Variants in GBX1 observed in about 807,000 individuals in gnomAD.
The protein encoded by GBX1 is gastrulation brain homeobox 1.
A neutral mutation model predicts 22.9 loss-of-function variants in GBX1; 9 were observed. The ratio of observed to expected loss-of-function variants is 0.39; its 90% CI spans 0.24 to 0.69. The LOEUF (loss-of-function observed/expected upper bound fraction) is 0.69. GBX1 is among the 30% of genes least tolerant of loss of function. GBX1 has a pLI of 0.43. For missense variants in GBX1, 494 were observed against 509.2 expected, an observed-to-expected ratio of 0.97 and a Z score of 0.29; for synonymous variants, 203 against 227.3, an observed-to-expected ratio of 0.89 and a Z score of 0.96.
chr7:151,158,867 A>G (rs1035320467), intron 1 of GBX1, among the ~76,000 whole-genome samples: 17 of 152,204 alleles, frequency 1.1e-4, no homozygotes, highest in Non-Finnish European at 2.2e-4. Context: ...GATGCTGCAC[A>G]AATATCTGTG....
chr7:151,167,474 G>A lies in GBX1; in HGVS notation c.75C>T (p.Phe25=). The A allele has an allele frequency of 2.0e-6, 3 of 1,506,176 alleles. No individual in the cohort carries two copies. Among genetic ancestry groups the A allele is most frequent in the Admixed American group, 2.1e-5 (1 of 46,996 alleles). 93.3% of individuals were successfully genotyped at this position (1,506,176 alleles called of 1,614,324 possible). A position where few individuals can be genotyped will look rare whatever the true frequency, so the allele number is the denominator to read the frequency against. Reference sequence around the variant, plus strand: ...GCGGCCCGATTAGGGAGTCGATGGAGAAGGCAGTGCCCGGGCCCCCGCCGC... The same window carrying A: ...GCGGCCCGATTAGGGAGTCGATGGAAAAGGCAGTGCCCGGGCCCCCGCCGC... ...GGGGGGPGTA[F]SIDSLIGPPP... is the part of the protein sequence containing the mutation. The change falls in exon 1 of 2, where the codon TTC becomes TTT. Residue 25 remains phenylalanine (F), a synonymous_variant. Coordinates refer to ENST00000297537, the MANE Select transcript of GBX1 (RefSeq NM_001098834.3). This position sits in a 1 kb window ranked among gnomAD's most constrained non-coding sequence, Gnocchi z 5.9.
At position 151,148,526 on chromosome 7, in the gene GBX1, C is replaced by A; in HGVS notation, c.*63G>T. 3 of 1,486,846 alleles carry A rather than the reference C, an allele frequency of 2.0e-6. No individual in the cohort carries two copies. In the South Asian group the frequency reaches 3.9e-5, roughly 19 times the overall value. 92.1% of individuals were successfully genotyped at this position (1,486,846 alleles called of 1,614,324 possible). A position where few individuals can be genotyped will look rare whatever the true frequency, so the allele number is the denominator to read the frequency against. ...TGCAGCCCCTCTGGTCCACAGAACC[C>A]TGACAGTCTCAGAGCAGGCTCAGGT... On this transcript the variant is annotated 3_prime_UTR_variant, in exon 2 of 2. Transcript: ENST00000297537. This position sits in a 1 kb window ranked among gnomAD's most constrained non-coding sequence, Gnocchi z 5.1.
At chr7:151,156,385 C>T (rs1435170896) in intron 1 of GBX1, among the ~76,000 whole-genome samples, 3 of 15,926 alleles carry the variant, frequency 1.9e-4, no homozygotes, top group Non-Finnish European at 2.6e-4. Flanking sequence ...GACCCTGTCT[C>T]AAAAAAAAAA....
chr7:151,166,308 C>A (rs1801248958), intron 1 of GBX1, among the ~76,000 whole-genome samples: 1 of 152,104 alleles, frequency 6.6e-6, no homozygotes, highest in African/African-American at 2.4e-5. Flanking sequence ...ATCTTTGGGC[C>A]ACACCCAACT....
At position 151,148,414 on chromosome 7, in the gene GBX1, C is replaced by A. The variant is rs1284672238; in HGVS notation, c.*175G>T. On this transcript the variant is annotated 3_prime_UTR_variant, in exon 2 of 2. Coordinates refer to ENST00000297537, the MANE Select transcript of GBX1 (RefSeq NM_001098834.3). This position sits in a 1 kb window ranked among gnomAD's most constrained non-coding sequence, Gnocchi z 5.1. ...GAACAGGCTCAGGGCCAAGTGCTCA[C>A]ATCTCAGGTTCTGGGAGGAGTCTGG... Among the ~76,000 whole-genome samples, 1 of 152,322 alleles carries A rather than the reference C, an allele frequency of 6.6e-6. No individual in the cohort carries two copies. Among genetic ancestry groups the A allele is most frequent in the South Asian group, 2.1e-4 (1 of 4,830 alleles).
Position 151,167,169 on chromosome 7 carries a change from GCGGCAGCGGCGGCGGCGA to G in GBX1, c.362_379del (p.Leu121_Ala127delinsPro). 1 of 1,582,022 alleles carries G rather than the reference GCGGCAGCGGCGGCGGCGA, an allele frequency of 6.3e-7. No homozygotes were observed. The highest frequency in any genetic ancestry group is 1.8e-5 in the Admixed American group (1 of 55,148). Reference sequence around the variant, plus strand: ...GTTTCGGGCGGCAGTGGCGGCGGCGGCGGCAGCGGCGGCGGCGAGCTCCTGGGGCCCGTAGAAAGCGTC... The same window carrying G: ...GTTTCGGGCGGCAGTGGCGGCGGCGGGCTCCTGGGGCCCGTAGAAAGCGTC... On this transcript the variant is annotated inframe_deletion, in exon 1 of 2. Coordinates refer to ENST00000297537, the MANE Select transcript of GBX1 (RefSeq NM_001098834.3). The surrounding 1 kb of genome is among the most constrained non-coding windows in gnomAD (Gnocchi z 5.9).
chr7:151,149,839 T>A (rs1004265078), intron 1 of GBX1: 23 of 445,202 alleles, frequency 5.2e-5, no homozygotes, highest in Middle Eastern at 6.8e-4. Context: ...GTGGCCAGAT[T>A]TTTTCTCCCA....
At chr7:151,165,187 T>A (rs913564123) in intron 1 of GBX1, among the ~76,000 whole-genome samples, 2 of 152,174 alleles carry the variant, frequency 1.3e-5, no homozygotes, top group South Asian at 2.1e-4. Flanking sequence ...TCTCTTCTGT[T>A]TTTTCTCTGC....
chr7:151,156,610 C>T (rs1046291620), intron 1 of GBX1, among the ~76,000 whole-genome samples: 3 of 151,998 alleles, frequency 2.0e-5, no homozygotes, highest in African/African-American at 7.3e-5. Flanking sequence ...AGACAAAATT[C>T]CCACCAAATC....
At position 151,167,353 on chromosome 7, in the gene GBX1, G is replaced by T. The variant is rs1252951041; in HGVS notation, c.196C>A (p.Leu66Met). The part of the protein sequence containing the change: ...VLPQALAPAP[L>M]PAGLPPLAPL... ...GCGAGGGGCGGGAGGCCAGCGGGCA[G>T]CGGCGCAGGGGCCAGCGCCTGCGGC... The change falls in exon 1 of 2, where the codon CTG becomes ATG. Residue 66 changes from leucine (L) to methionine (M), a missense_variant. Transcript: ENST00000297537. This position sits in a 1 kb window ranked among gnomAD's most constrained non-coding sequence, Gnocchi z 5.9. 2 of 1,507,846 alleles carry T rather than the reference G, an allele frequency of 1.3e-6. No homozygotes were observed. The highest frequency in any genetic ancestry group is 2.2e-5 in the Admixed American group (1 of 44,586). The allele number at this position is 1,507,846 out of a possible 1,614,324, so 93.4% of individuals were successfully genotyped here. A position where few individuals can be genotyped will look rare whatever the true frequency, so the allele number is the denominator to read the frequency against.
rs185724801 is a variant in GBX1, at chr7:151,150,604, C to T, written c.539-1462G>A. ...GAACATCTCCTGGCAGTCAGAGCTT[C>T]CTGGTGTTCTCCTTCAGCACACCCC... On this transcript the variant is annotated intron_variant, in intron 1 of 1. Transcript: ENST00000297537. Among the ~76,000 whole-genome samples the T allele has an allele frequency of 1.6e-4, 25 of 152,302 alleles. No individual in the cohort carries two copies. In the East Asian group the frequency reaches 3.5e-3, roughly 21 times the overall value.
chr7:151,151,841 T>C (rs1801083526), intron 1 of GBX1, among the ~76,000 whole-genome samples: 1 of 152,218 alleles, frequency 6.6e-6, no homozygotes, highest in South Asian at 2.1e-4. Context: ...ACCTGGCCCA[T>C]GATTCCTCTT....
At position 151,167,067 on chromosome 7, in the gene GBX1, G is replaced by A. The variant is rs754158030; in HGVS notation, c.482C>T (p.Ala161Val). Residue 161 changes from alanine (A) to valine (V), a missense_variant, in exon 1 of 2, where the codon GCA becomes GTA. Physicochemically the swap from Ala to Val is moderately conservative, Grantham distance 64 (BLOSUM62 0). Transcript: ENST00000297537. This position sits in a 1 kb window ranked among gnomAD's most constrained non-coding sequence, Gnocchi z 5.9. ...CGGAGGCGGAGGTGGTGGGGGCTCT[G>A]CCACTTTCTCCCGGGCCGGCAGCAG... ...DELLPAREKV[A>V]EPPPPPPPHF... is the part of the protein sequence containing the mutation. 3.7e-6 allele frequency: 6 copies of A among 1,602,446 alleles called. No homozygotes were observed. Among genetic ancestry groups the A allele is most frequent in the African/African-American group, 2.7e-5 (2 of 72,912 alleles).
intron 1 of GBX1, among the ~76,000 whole-genome samples, chr7:151,164,568 C>G (rs1801227654): frequency 6.6e-6 from 1 of 152,302 alleles, no homozygotes; most frequent in South Asian, 2.1e-4. Context: ...TCCTCATGCT[C>G]TTTGAATGTT....
At position 151,167,310 on chromosome 7, in the gene GBX1, G is replaced by C. The variant is rs1801269407; in HGVS notation, c.239C>G (p.Ala80Gly). Residue 80 changes from alanine (A) to glycine (G), a missense_variant, in exon 1 of 2, where the codon GCC becomes GGC. Transcript: ENST00000297537. The surrounding 1 kb of genome is among the most constrained non-coding windows in gnomAD (Gnocchi z 5.9). ...GCAGAAGGTGTTGGTAAGGCGGCCG[G>C]CGAAAGAGGCTAGCGGGGCGAGGGG... Reference protein sequence around the residue: ...LPPLAPLASFAGRLTNTFCAG... With the variant: ...LPPLAPLASFGGRLTNTFCAG... 6.6e-7 allele frequency: 1 copy of C among 1,524,158 alleles called. No homozygotes were observed. The highest frequency in any genetic ancestry group is 8.8e-7 in the Non-Finnish European group (1 of 1,138,852). 94.4% of individuals were successfully genotyped at this position (1,524,158 alleles called of 1,614,324 possible).
At chr7:151,154,478 AT>A (rs919404492) in intron 1 of GBX1, among the ~76,000 whole-genome samples, 1 of 152,214 alleles carries the variant, frequency 6.6e-6, no homozygotes, top group Non-Finnish European at 1.5e-5. Context: ...GGATGATATT[AT>A]TGGTAATAAG....
At chr7:151,149,451 C>T (rs945153620) in intron 1 of GBX1, among the ~76,000 whole-genome samples, 1 of 152,060 alleles carries the variant, frequency 6.6e-6, no homozygotes, top group Non-Finnish European at 1.5e-5. Flanking sequence ...TCCCCACCAC[C>T]CCCATCTCAT....
rs1328520959 is a variant in GBX1, at chr7:151,151,728, T to C, written c.539-2586A>G. Among the ~76,000 whole-genome samples, 3 of 152,162 alleles carry C rather than the reference T, an allele frequency of 2.0e-5. No homozygotes were observed. The East Asian group carries it at 5.8e-4, about 29-fold the overall frequency. On this transcript the variant is annotated intron_variant, in intron 1 of 1. Transcript: ENST00000297537. The stretch of plus-strand genomic sequence containing the variant: ...TAAAATACCCCCAGAGCCCAATCCT[T>C]TCTCCCTATCTCCCGCTTCCAACTA...
chr7:151,156,385 CAAAAAAAAAAAAAAAAA>C (rs56947735), intron 1 of GBX1, among the ~76,000 whole-genome samples: 5 of 15,926 alleles, frequency 3.1e-4, no homozygotes, highest in African/African-American at 8.8e-4. Context: ...GACCCTGTCT[CAAAAAAAAAAAAAAAAA>C]AAAAAAAAAA....
Sources: allele counts gnomAD v4.1 joint callset (sites outside exome capture counted in the v4.1 genomes callset), GRCh38; gene constraint gnomAD v4.1.1; non-coding constraint Gnocchi (gnomAD v3.1); transcripts MANE v1.5; gene names NCBI Gene and HGNC (gene_info 2026-07-23, HGNC 2026-07-21).